The following UBL3 variants were observed in gnomAD, a reference collection of about 807,000 sequenced individuals.
UBL3 encodes ubiquitin like 3.
UBL3 carries 6 observed loss-of-function variants against 18.4 expected under a neutral mutation model. The ratio of observed to expected loss-of-function variants is 0.33; its 90% CI spans 0.18 to 0.64. UBL3 has a LOEUF of 0.64. UBL3 is among the 30% of genes least tolerant of loss of function. The pLI is 0.76. For synonymous variants in UBL3, 49 were observed against 46.6 expected (o/e 1.05, Z -0.21); for missense variants, 109 against 142.9 (o/e 0.76, Z 1.21).
chr13:29,805,637 C>A (rs1877881175), intron 1 of UBL3, among the ~76,000 whole-genome samples: 1 of 152,060 alleles, frequency 6.6e-6, no homozygotes, highest in African/African-American at 2.4e-5. Flanking sequence ...TATAACTTGC[C>A]CTCCCATATT....
Position 29,816,103 on chromosome 13 carries a change from TCTGA to T in UBL3, c.27+33405_27+33408del, listed in dbSNP as rs375993712. On this transcript the variant is annotated intron_variant, in intron 1 of 4. Coordinates refer to ENST00000380680, the MANE Select transcript of UBL3 (RefSeq NM_007106.4). ...ATTTTTTTCCCCACTGTCACCAGGA[TCTGA>T]CTAAGAAGAAATAATCTATTTTTAA... Among the ~76,000 whole-genome samples, 137 of 152,316 alleles carry T rather than the reference TCTGA, an allele frequency of 9.0e-4. 1 individual carries two copies. Among genetic ancestry groups the T allele is most frequent in the African/African-American group, 3.2e-3 (135 of 41,556 alleles).
At chr13:29,768,130 A>T (rs1876742001) in intron 3 of UBL3, among the ~76,000 whole-genome samples, 1 of 152,126 alleles carries the variant, frequency 6.6e-6, no homozygotes, top group Non-Finnish European at 1.5e-5. Context: ...TGATGTAGAA[A>T]TGCAAGAAAT....
intron 1 of UBL3, among the ~76,000 whole-genome samples, chr13:29,806,204 C>T (rs1223123692): frequency 6.6e-6 from 1 of 152,004 alleles, no homozygotes; most frequent in Non-Finnish European, 1.5e-5. Flanking sequence ...CCAAAAAACC[C>T]CACAAAGTAG....
chr13:29,827,034 A>G (rs1352923280), intron 1 of UBL3, among the ~76,000 whole-genome samples: 1 of 152,168 alleles, frequency 6.6e-6, no homozygotes. Flanking sequence ...GTTTGATTGC[A>G]CTGTGGTCTG....
chr13:29,849,650 C>A lies in UBL3; in HGVS notation c.-112G>T. The A allele has an allele frequency of 7.3e-7, 1 of 1,367,692 alleles. No homozygotes were observed. The highest frequency in any genetic ancestry group is 1.0e-6 in the Non-Finnish European group (1 of 978,698). The allele number at this position is 1,367,692 out of a possible 1,614,324, so 84.7% of individuals were successfully genotyped here. A position where few individuals can be genotyped will look rare whatever the true frequency, so the allele number is the denominator to read the frequency against. ...ACGATTTTGACTGGTTCGTGATGTG[C>A]TTTCTCCCCCAAAAATAAAGTTATT... is the stretch of plus-strand genomic sequence containing the variant. On this transcript the variant is annotated 5_prime_UTR_variant, in exon 1 of 5. Transcript: ENST00000380680.
At position 29,849,627 on chromosome 13, in the gene UBL3, G is replaced by T; in HGVS notation, c.-89C>A. 2.0e-6 allele frequency: 3 copies of T among 1,520,322 alleles called. No homozygotes were observed. The highest frequency in any genetic ancestry group is 2.7e-6 in the Non-Finnish European group (3 of 1,104,772). 94.2% of individuals were successfully genotyped at this position (1,520,322 alleles called of 1,614,324 possible). On this transcript the variant is annotated 5_prime_UTR_variant, in exon 1 of 5. Transcript: ENST00000380680. ...TCTTCACGTTACAGAAATAAACCACGATTTTGACTGGTTCGTGATGTGCTT... is the reference window on the plus strand; with the variant it reads ...TCTTCACGTTACAGAAATAAACCACTATTTTGACTGGTTCGTGATGTGCTT...
At chr13:29,773,565 A>G (rs937598388) in intron 2 of UBL3, among the ~76,000 whole-genome samples, 1 of 152,180 alleles carries the variant, frequency 6.6e-6, no homozygotes, top group African/African-American at 2.4e-5. Flanking sequence ...AAAGACTGAT[A>G]TTCTAAAAAT....
At chr13:29,801,096 C>G (rs933431203) in intron 1 of UBL3, among the ~76,000 whole-genome samples, 1 of 152,170 alleles carries the variant, frequency 6.6e-6, no homozygotes, top group Non-Finnish European at 1.5e-5. Context: ...AACCCACAGC[C>G]CCTCTGCCAT....
Position 29,811,117 on chromosome 13 carries a change from G to A in UBL3, c.28-33854C>T, listed in dbSNP as rs188441369. ...AATGTGATCTTTGGAATTATTATACGATAATCTTTGGACCATGGGGAGGAA... is the reference window on the plus strand; with the variant it reads ...AATGTGATCTTTGGAATTATTATACAATAATCTTTGGACCATGGGGAGGAA... On this transcript the variant is annotated intron_variant, in intron 1 of 4. Coordinates refer to ENST00000380680, the MANE Select transcript of UBL3 (RefSeq NM_007106.4). Among the ~76,000 whole-genome samples the A allele has an allele frequency of 2.3e-3, 347 of 151,956 alleles. 2 individuals carry two copies. The highest frequency in any genetic ancestry group is 0.013 in the South Asian group (64 of 4,816).
chr13:29,816,741 C>A (rs1878292033), intron 1 of UBL3, among the ~76,000 whole-genome samples: 3 of 103,106 alleles, frequency 2.9e-5, no homozygotes, highest in Admixed American at 1.5e-4. Flanking sequence ...GGTGACTGAG[C>A]AAGACCCTGT....
In UBL3 at chr13:29,850,611, T is replaced by C. The variant is rs879064628; in HGVS notation, c.-1073A>G. ...GCGGCGGCGGCGGCGGCTGCCTGAG[T>C]GCGACTAAGGGAAACGGGGAGAGCA... On this transcript the variant is annotated 5_prime_UTR_variant, in exon 1 of 5. Coordinates refer to ENST00000380680, the MANE Select transcript of UBL3 (RefSeq NM_007106.4). 1.4e-3 allele frequency: 225 copies of C among 155,294 alleles called. No homozygotes were observed. The highest frequency in any genetic ancestry group is 3.6e-3 in the East Asian group (19 of 5,284). 9.6% of individuals were successfully genotyped at this position (155,294 alleles called of 1,614,324 possible). A position where few individuals can be genotyped will look rare whatever the true frequency, so the allele number is the denominator to read the frequency against.
At chr13:29,848,151 AATC>A (rs1189078961) in intron 1 of UBL3, among the ~76,000 whole-genome samples, 1 of 152,114 alleles carries the variant, frequency 6.6e-6, no homozygotes, top group East Asian at 1.9e-4. Flanking sequence ...TTTAAAATTT[AATC>A]ATCAGCAGGC....
chr13:29,829,722 G>A (rs9508564), intron 1 of UBL3, among the ~76,000 whole-genome samples: 39,861 of 152,036 alleles, frequency 0.26, 5,295 homozygotes, highest in East Asian at 0.41. Context: ...ACAAGCCCCA[G>A]TGAGATGAAC....
chr13:29,818,109 A>C (rs904412617), intron 1 of UBL3, among the ~76,000 whole-genome samples: 1 of 152,190 alleles, frequency 6.6e-6, no homozygotes, highest in Non-Finnish European at 1.5e-5. Context: ...ATTACACCAG[A>C]ATCAGCTCTG....
intron 1 of UBL3, among the ~76,000 whole-genome samples, chr13:29,812,890 T>A (rs1878134713): frequency 6.6e-6 from 1 of 152,084 alleles, no homozygotes; most frequent in South Asian, 2.1e-4. Flanking sequence ...ATATATCAAG[T>A]GAAATGTTAT....
chr13:29,834,703 A>G (rs1325460802), intron 1 of UBL3, among the ~76,000 whole-genome samples: 6 of 152,212 alleles, frequency 3.9e-5, no homozygotes, highest in African/African-American at 7.2e-5. Flanking sequence ...GAAATATCAG[A>G]GTATTAGTAT....
intron 1 of UBL3, among the ~76,000 whole-genome samples, chr13:29,813,104 T>C (rs934949183): frequency 4.6e-5 from 7 of 152,038 alleles, no homozygotes; most frequent in Non-Finnish European, 8.8e-5. Context: ...TATAAGGGCC[T>C]ATGTAAGACA....
intron 1 of UBL3, among the ~76,000 whole-genome samples, chr13:29,796,987 A>G (rs1002490325): frequency 6.6e-6 from 1 of 152,216 alleles, no homozygotes; most frequent in Non-Finnish European, 1.5e-5. Flanking sequence ...TAAAGAGAAC[A>G]TAGTCTAAAT....
At chr13:29,827,483 C>G (rs548717308) in intron 1 of UBL3, among the ~76,000 whole-genome samples, 1 of 152,280 alleles carries the variant, frequency 6.6e-6, no homozygotes, top group East Asian at 1.9e-4. Context: ...TCTGTTTTAT[C>G]AGAGACTAGG....
Sources: gnomAD v4.1 joint callset for allele counts (sites outside exome capture counted in the v4.1 genomes callset) on GRCh38, gnomAD v4.1.1 for gene constraint, MANE v1.5 for transcripts, NCBI Gene and HGNC (gene_info 2026-07-23, HGNC 2026-07-21) for gene names.